TENM4: variants seen among roughly 807,000 people sequenced by gnomAD.
TENM4 encodes the protein teneurin-4.
A neutral mutation model predicts 243.3 loss-of-function variants in TENM4; 82 were observed. That is an observed-to-expected ratio of 0.34 (90% CI 0.28 to 0.40). TENM4 has a LOEUF of 0.40. TENM4 is among the 10% of genes least tolerant of loss of function. The pLI, the probability that TENM4 is intolerant of heterozygous loss-of-function variation, is 1.00. For synonymous variants in TENM4, 1,412 were observed against 1,456.3 expected (o/e 0.97, Z 0.69); for missense variants, 3,138 against 3,673.3 (o/e 0.85, Z 3.77).
At chr11:78,792,550 AC>A (rs1035277800) in intron 15 of TENM4, among the ~76,000 whole-genome samples, 3 of 152,070 alleles carry the variant, frequency 2.0e-5, no homozygotes, top group Non-Finnish European at 4.4e-5. Flanking sequence ...TCCCTGCCTC[AC>A]CCGTGCACTG....
At chr11:79,217,675 C>A (rs894472437) in intron 2 of TENM4, among the ~76,000 whole-genome samples, 1 of 152,056 alleles carries the variant, frequency 6.6e-6, no homozygotes, top group African/African-American at 2.4e-5. Context: ...TACAGAGTAT[C>A]CTGTTGGTAC....
chr11:79,429,091 A>G (rs890461587), intron 1 of TENM4, among the ~76,000 whole-genome samples: 1 of 152,188 alleles, frequency 6.6e-6, no homozygotes, highest in Non-Finnish European at 1.5e-5. Context: ...CAGCTCAGAG[A>G]AACAGGTGTA....
intron 6 of TENM4, among the ~76,000 whole-genome samples, chr11:78,973,766 A>AAAATTATATT (rs1565150319): frequency 3.0e-4 from 46 of 151,362 alleles, no homozygotes; most frequent in Non-Finnish European, 1.0e-4. Context: ...GCCATTAAAT[A>AAAATTATATT]TAATGGCAAA....
intron 1 of TENM4, among the ~76,000 whole-genome samples, chr11:79,342,865 C>T (rs568140472): frequency 1.4e-4 from 22 of 152,336 alleles, no homozygotes; most frequent in South Asian, 2.1e-4. Flanking sequence ...CCCCTGCCTG[C>T]GTCCCTGGCG....
chr11:78,913,448 A>G (rs1402787906), intron 6 of TENM4, among the ~76,000 whole-genome samples: 1 of 152,166 alleles, frequency 6.6e-6, no homozygotes, highest in Non-Finnish European at 1.5e-5. Context: ...TTGTCCTGGG[A>G]AAGCTTTCTG....
chr11:78,840,613 A>G (rs1303465301), intron 12 of TENM4, among the ~76,000 whole-genome samples: 1 of 152,182 alleles, frequency 6.6e-6, no homozygotes. Context: ...TCTTTGCTTA[A>G]TTGTAAAGGA....
chr11:79,039,077 G>T (rs1193717057), intron 6 of TENM4, among the ~76,000 whole-genome samples: 3 of 152,196 alleles, frequency 2.0e-5, no homozygotes, highest in Admixed American at 2.0e-4. Context: ...ATTCTAAAGA[G>T]AATGCAGAAA....
At position 79,269,997 on chromosome 11, in the gene TENM4, G is replaced by A. The variant is rs142521182; in HGVS notation, c.-265+27491C>T. Among the ~76,000 whole-genome samples, 4 of 152,112 alleles carry A rather than the reference G, an allele frequency of 2.6e-5. No homozygotes were observed. The East Asian group carries it at 7.7e-4, about 29-fold the overall frequency. On this transcript the variant is annotated intron_variant, in intron 2 of 33. Coordinates refer to ENST00000278550, the MANE Select transcript of TENM4 (RefSeq NM_001098816.3). ...CTCTTCCTCCCTCCACTCCCAGCAG[G>A]TTCCTTTCCAGGGCCTCGCAGAGAA...
intron 9 of TENM4, among the ~76,000 whole-genome samples, chr11:78,870,075 C>T (rs1859084597): frequency 1.3e-5 from 2 of 152,196 alleles, no homozygotes; most frequent in South Asian, 2.1e-4. Flanking sequence ...GGTTTTGTGA[C>T]TTTGGGCAAA....
chr11:78,704,192 T>TATATATAC (rs1202963717), intron 27 of TENM4, among the ~76,000 whole-genome samples: 12 of 139,556 alleles, frequency 8.6e-5, no homozygotes, highest in Non-Finnish European at 1.5e-5. Context: ...TATATATATA[T>TATATATAC]ATTTGTAGAG....
chr11:79,073,119 G>A (rs1565192335), intron 4 of TENM4, among the ~76,000 whole-genome samples: 1 of 152,212 alleles, frequency 6.6e-6, no homozygotes, highest in East Asian at 1.9e-4. Context: ...GTTGAACTCA[G>A]CAAATGGGTA....
intron 1 of TENM4, among the ~76,000 whole-genome samples, chr11:79,312,857 A>G (rs1197570499): frequency 2.0e-5 from 3 of 152,172 alleles, no homozygotes; most frequent in Admixed American, 6.5e-5. Context: ...TCTTAATGAG[A>G]TGCACAATCT....
At chr11:78,997,011 T>C (rs7940531) in intron 6 of TENM4, among the ~76,000 whole-genome samples, 19,850 of 152,114 alleles carry the variant, frequency 0.13, 2,284 homozygotes, top group African/African-American at 0.31. Flanking sequence ...AGGGGGGACC[T>C]TCAAGTAAGC....
chr11:79,098,283 GC>G (rs1861135517), intron 4 of TENM4, among the ~76,000 whole-genome samples: 1 of 143,034 alleles, frequency 7.0e-6, no homozygotes, highest in South Asian at 2.2e-4. Flanking sequence ...ATCACTCCCA[GC>G]TCTGCTTATC....
At chr11:78,995,602 T>C (rs1042752505) in intron 6 of TENM4, among the ~76,000 whole-genome samples, 1 of 152,014 alleles carries the variant, frequency 6.6e-6, no homozygotes, top group African/African-American at 2.4e-5. Context: ...AAGTAGCAAA[T>C]GCAGCAGGAG....
intron 28 of TENM4, among the ~76,000 whole-genome samples, chr11:78,694,388 T>A (rs1471283527): frequency 6.6e-6 from 1 of 152,196 alleles, no homozygotes; most frequent in Non-Finnish European, 1.5e-5. Flanking sequence ...CATCATTAGC[T>A]ACTCCAAAAC....
At chr11:79,088,710 C>T (rs1401071802) in intron 4 of TENM4, among the ~76,000 whole-genome samples, 1 of 152,202 alleles carries the variant, frequency 6.6e-6, no homozygotes, top group Non-Finnish European at 1.5e-5. Flanking sequence ...CTGGATTTCT[C>T]CGGCCCATTC....
At chr11:78,676,456 G>C in intron 29 of TENM4, 69 bp from the exon 30 acceptor site, 19 of 1,297,452 alleles carry the variant, frequency 1.5e-5, no homozygotes, top group Non-Finnish European at 2.0e-5. Flanking sequence ...GGACAGCAGA[G>C]GCGGTGGAGG....
chr11:79,349,114 G>A lies in TENM4; in HGVS notation c.-320-51571C>T, dbSNP rs34594942. Among the ~76,000 whole-genome samples the A allele has an allele frequency of 4.4e-3, 668 of 152,154 alleles. 7 individuals are homozygous for A. The highest frequency in any genetic ancestry group is 0.016 in the East Asian group (84 of 5,162). On this transcript the variant is annotated intron_variant, in intron 1 of 33. Coordinates refer to ENST00000278550, the MANE Select transcript of TENM4 (RefSeq NM_001098816.3). Reference sequence around the variant, plus strand: ...TGCTTTAGGTTTGTTCCCCTCCACCGGCTGGGGAAGGTCTCATCCTTCCTC... The same window carrying A: ...TGCTTTAGGTTTGTTCCCCTCCACCAGCTGGGGAAGGTCTCATCCTTCCTC...
Sources: allele counts gnomAD v4.1 joint callset (sites outside exome capture counted in the v4.1 genomes callset), GRCh38; gene constraint gnomAD v4.1.1; transcripts MANE v1.5; gene names NCBI Gene and HGNC (gene_info 2026-07-23, HGNC 2026-07-21).